Variants in EPHA6 observed in about 807,000 individuals in gnomAD.
The protein encoded by EPHA6 is EPH receptor A6.
Under a neutral mutation model 112.0 loss-of-function variants are expected in EPHA6, and 50 were observed. The ratio of observed to expected loss-of-function variants is 0.45; its 90% CI spans 0.36 to 0.56. The LOEUF is 0.56. EPHA6 is among the 20% of genes least tolerant of loss of function. The pLI is 0.00. For missense variants in EPHA6, 1,280 were observed against 1,417.4 expected (o/e 0.90, Z 1.56); for synonymous variants, 529 against 490.7 (o/e 1.08, Z -1.03).
chr3:96,859,203 A>T (rs2035869208), intron 1 of EPHA6, among the ~76,000 whole-genome samples: 1 of 152,066 alleles, frequency 6.6e-6, no homozygotes, highest in Non-Finnish European at 1.5e-5. Flanking sequence ...TAATAGTTAT[A>T]ATTGTGCTGT....
chr3:97,217,165 A>G (rs1380896480), intron 3 of EPHA6, among the ~76,000 whole-genome samples: 4 of 152,184 alleles, frequency 2.6e-5, no homozygotes, highest in Admixed American at 6.5e-5. Flanking sequence ...AATCGAGAAG[A>G]CAGATCTGAG....
chr3:97,078,453 T>A (rs185241236), intron 3 of EPHA6, among the ~76,000 whole-genome samples: 70 of 152,228 alleles, frequency 4.6e-4, no homozygotes, highest in South Asian at 2.1e-4. Flanking sequence ...GGTGTTTTAG[T>A]CATGAAGTCC....
chr3:96,851,124 G>A (rs1318833446), intron 1 of EPHA6, among the ~76,000 whole-genome samples: 2 of 152,040 alleles, frequency 1.3e-5, no homozygotes, highest in Non-Finnish European at 2.9e-5. Flanking sequence ...TGTGTCTGGG[G>A]ACAATTTAGT....
At chr3:97,335,506 A>G (rs1442331403) in intron 5 of EPHA6, among the ~76,000 whole-genome samples, 1 of 152,174 alleles carries the variant, frequency 6.6e-6, no homozygotes, top group Non-Finnish European at 1.5e-5. Context: ...CTTTCTCCAC[A>G]GCAATTTTCT....
At chr3:97,383,054 A>G (rs555327673) in intron 5 of EPHA6, among the ~76,000 whole-genome samples, 7 of 152,116 alleles carry the variant, frequency 4.6e-5, no homozygotes, top group Admixed American at 2.6e-4. Context: ...AAGTCATAGG[A>G]TACCACCGAT....
rs1471803631 is a variant in EPHA6, at chr3:97,638,069, C to T, written c.2771C>T (p.Ala924Val). Reference sequence around the variant, plus strand: ...GTGCTGGAAGATGATCCAGAAGCTGCTTATACAACAACTGTAAGTTTATAT... The same window carrying T: ...GTGCTGGAAGATGATCCAGAAGCTGTTTATACAACAACTGTAAGTTTATAT... ...SRVLEDDPEA[A>V]YTTTGGKIPI... The change falls in exon 14 of 18, where the codon GCT becomes GTT. Residue 924 changes from alanine (A) to valine (V), a missense_variant. Ala to Val is a moderately conservative substitution (Grantham distance 64). Coordinates refer to ENST00000389672, the MANE Select transcript of EPHA6 (RefSeq NM_001080448.3). 2 of 1,612,550 alleles carry T rather than the reference C, an allele frequency of 1.2e-6. No individual in the cohort carries two copies. Among genetic ancestry groups the T allele is most frequent in the East Asian group, 2.2e-5 (1 of 44,876 alleles).
chr3:97,566,284 G>A (rs896765119), intron 11 of EPHA6, among the ~76,000 whole-genome samples: 5 of 152,088 alleles, frequency 3.3e-5, no homozygotes, highest in African/African-American at 4.8e-5. Flanking sequence ...CACAAGGGAC[G>A]TGCCCCCATT....
chr3:97,671,951 T>A (rs1407232689), intron 14 of EPHA6, among the ~76,000 whole-genome samples: 4 of 152,198 alleles, frequency 2.6e-5, no homozygotes, highest in African/African-American at 9.6e-5. Context: ...GTCTGACACC[T>A]TTGACTGCCC....
At chr3:97,133,303 A>C (rs1576546132) in intron 3 of EPHA6, among the ~76,000 whole-genome samples, 1 of 152,070 alleles carries the variant, frequency 6.6e-6, no homozygotes, top group East Asian at 1.9e-4. Flanking sequence ...CTCAAAGCTT[A>C]AGCAACAAGG....
chr3:97,744,343 T>A (rs1408156032), intron 16 of EPHA6, among the ~76,000 whole-genome samples: 1 of 152,014 alleles, frequency 6.6e-6, no homozygotes, highest in East Asian at 1.9e-4. Context: ...ATTGTACATG[T>A]TTGATAAGAA....
intron 3 of EPHA6, among the ~76,000 whole-genome samples, chr3:97,090,597 T>G (rs1350533775): frequency 6.6e-6 from 1 of 152,134 alleles, no homozygotes; most frequent in Non-Finnish European, 1.5e-5. Flanking sequence ...TTGCCTCATA[T>G]GATCTGAATT....
chr3:97,551,515 T>C (rs994568302), intron 11 of EPHA6, among the ~76,000 whole-genome samples: 3 of 152,142 alleles, frequency 2.0e-5, no homozygotes, highest in African/African-American at 7.2e-5. Flanking sequence ...TTCTTAGCCC[T>C]GAAAATAATG....
intron 5 of EPHA6, among the ~76,000 whole-genome samples, chr3:97,338,422 G>T (rs2083157495): frequency 6.6e-6 from 1 of 152,062 alleles, no homozygotes; most frequent in Admixed American, 6.6e-5. Flanking sequence ...CAGATCACCA[G>T]ATCATATGGC....
intron 10 of EPHA6, among the ~76,000 whole-genome samples, chr3:97,522,950 G>T (rs1017327970): frequency 6.6e-6 from 1 of 151,630 alleles, no homozygotes; most frequent in African/African-American, 2.4e-5. Context: ...TCTGGCAAAG[G>T]GTTTGTCAAT....
intron 7 of EPHA6, among the ~76,000 whole-genome samples, chr3:97,455,137 A>G (rs2090640859): frequency 6.6e-6 from 1 of 151,968 alleles, no homozygotes; most frequent in Non-Finnish European, 1.5e-5. Context: ...TTTGTGCTGA[A>G]GCTAATTGGG....
At chr3:97,568,821 G>T (rs912226989) in intron 11 of EPHA6, among the ~76,000 whole-genome samples, 8 of 152,160 alleles carry the variant, frequency 5.3e-5, no homozygotes, top group Non-Finnish European at 1.2e-4. Flanking sequence ...TTGCAGTGGG[G>T]GAGAGAAATT....
chr3:97,354,636 A>G (rs549295812), intron 5 of EPHA6, among the ~76,000 whole-genome samples: 1 of 152,282 alleles, frequency 6.6e-6, no homozygotes, highest in South Asian at 2.1e-4. Context: ...GGAAAATCAA[A>G]GAATTATTGG....
rs574772843 is a variant in EPHA6 at position 97,174,734 on chromosome 3, A to G, written c.1115-51530A>G. 2.0e-5 allele frequency among the ~76,000 whole-genome samples: 3 copies of G among 151,858 alleles called. No homozygotes were observed. In the East Asian group the frequency reaches 5.8e-4, roughly 29 times the overall value. On this transcript the variant is annotated intron_variant, in intron 3 of 17. Coordinates refer to ENST00000389672, the MANE Select transcript of EPHA6 (RefSeq NM_001080448.3). ...ATTCAAATATTTTGCCCATGTGTTGATCAGATTATTATAGTTTTTTTCCCA... is the reference window on the plus strand; with the variant it reads ...ATTCAAATATTTTGCCCATGTGTTGGTCAGATTATTATAGTTTTTTTCCCA...
chr3:96,947,184 A>T (rs1274076482), intron 2 of EPHA6, among the ~76,000 whole-genome samples: 4 of 152,094 alleles, frequency 2.6e-5, no homozygotes, highest in Admixed American at 2.6e-4. Context: ...CTTGAGTTTA[A>T]TTAGATCCCA....
Sources: gnomAD v4.1 joint callset for allele counts (sites outside exome capture counted in the v4.1 genomes callset) on GRCh38, gnomAD v4.1.1 for gene constraint, MANE v1.5 for transcripts, NCBI Gene and HGNC (gene_info 2026-07-23, HGNC 2026-07-21) for gene names.